The following CTCF variants were observed in gnomAD, a reference collection of about 807,000 sequenced individuals.
The protein encoded by CTCF is CCCTC-binding factor, also known as transcriptional repressor CTCF.
A neutral mutation model predicts 72.3 loss-of-function variants in CTCF; 7 were observed. That is an observed-to-expected ratio of 0.10 (90% confidence interval 0.06 to 0.18). The LOEUF is 0.18. Ranked by LOEUF, CTCF falls within the 10% of genes least tolerant of loss-of-function variation. The pLI is 1.00. For synonymous variants in CTCF, 374 were observed against 315.8 expected, an observed-to-expected ratio of 1.18 and a Z score of -1.95; for missense variants, 516 against 949.1, an observed-to-expected ratio of 0.54 and a Z score of 6.00.
intron 7 of CTCF, among the ~76,000 whole-genome samples, chr16:67,622,310 C>G (rs2052211455): frequency 6.6e-6 from 1 of 151,396 alleles, no homozygotes; most frequent in African/African-American, 2.4e-5. Flanking sequence ...GAGCAGAGAT[C>G]ACGCCACCGC....
intron 2 of CTCF, among the ~76,000 whole-genome samples, chr16:67,608,101 G>T (rs1378627873): frequency 6.6e-6 from 1 of 151,472 alleles, no homozygotes; most frequent in Non-Finnish European, 1.5e-5. Context: ...GAGGCAGGCG[G>T]ATCACGAGGT....
At position 67,639,030 on chromosome 16, in the gene CTCF, C is replaced by A; in HGVS notation, c.*1158C>A. ...TTAGCTATCAGACTCTAGGTTGATG[C>A]ATTTTGTACTTAGCTGTACTGTGTG... On this transcript the variant is annotated 3_prime_UTR_variant, in exon 12 of 12. Coordinates refer to ENST00000264010, the MANE Select transcript of CTCF (RefSeq NM_006565.4). 4.9e-6 allele frequency: 1 copy of A among 203,078 alleles called. No homozygotes were observed. Among genetic ancestry groups the A allele is most frequent in the Non-Finnish European group, 1.0e-5 (1 of 98,588 alleles). The allele number at this position is 203,078 out of a possible 1,614,324, so 12.6% of individuals were successfully genotyped here. A position where few individuals can be genotyped will look rare whatever the true frequency, so the allele number is the denominator to read the frequency against.
chr16:67,597,238 G>A (rs1394801753), intron 2 of CTCF, among the ~76,000 whole-genome samples: 1 of 151,880 alleles, frequency 6.6e-6, no homozygotes, highest in Admixed American at 6.6e-5. Flanking sequence ...GTATCTCCAT[G>A]TTTCCCAAGC....
At chr16:67,566,124 T>A (rs1039148009) in intron 1 of CTCF, among the ~76,000 whole-genome samples, 23 of 152,184 alleles carry the variant, frequency 1.5e-4, no homozygotes, top group African/African-American at 5.5e-4. Context: ...ATTAGGCCCC[T>A]CTTCAAACAA....
chr16:67,578,576 A>G (rs957776727), intron 2 of CTCF, among the ~76,000 whole-genome samples: 2 of 150,896 alleles, frequency 1.3e-5, no homozygotes, highest in Non-Finnish European at 3.0e-5. Context: ...CAAGTGTTCC[A>G]CCCACCTCGG....
At chr16:67,569,125 C>T (rs2051380266) in intron 1 of CTCF, among the ~76,000 whole-genome samples, 1 of 152,044 alleles carries the variant, frequency 6.6e-6, no homozygotes, top group African/African-American at 2.4e-5. Context: ...AGGCGTGAAC[C>T]ACTGTGCCTG....
At chr16:67,629,661 C>A in intron 10 of CTCF, 128 bp downstream of exon 10, 1 of 757,104 alleles carries the variant, frequency 1.3e-6, no homozygotes, top group Non-Finnish European at 1.9e-6. Flanking sequence ...AACTTCTCAT[C>A]TCCTAACGTC....
At chr16:67,602,938 G>A (rs964290553) in intron 2 of CTCF, among the ~76,000 whole-genome samples, 1 of 151,994 alleles carries the variant, frequency 6.6e-6, no homozygotes, top group Non-Finnish European at 1.5e-5. Flanking sequence ...GTCAAGGGTG[G>A]GACCTGAAGT....
chr16:67,637,191 CG>C (rs1342652616), intron 11 of CTCF, among the ~76,000 whole-genome samples: 1 of 152,136 alleles, frequency 6.6e-6, no homozygotes, highest in Non-Finnish European at 1.5e-5. Context: ...AGAGCCAAAT[CG>C]TAAAGGTTGG....
At chr16:67,620,434 A>C (rs1360834690) in intron 5 of CTCF, among the ~76,000 whole-genome samples, 1 of 152,190 alleles carries the variant, frequency 6.6e-6, no homozygotes, top group Admixed American at 6.5e-5. Flanking sequence ...TCCTGACCTC[A>C]GATGATCTGC....
At chr16:67,582,766 T>G (rs2051603192) in intron 2 of CTCF, among the ~76,000 whole-genome samples, 1 of 152,126 alleles carries the variant, frequency 6.6e-6, no homozygotes, top group South Asian at 2.1e-4. Flanking sequence ...GTGCATAGAC[T>G]TTGAGATTTT....
chr16:67,629,168 A>G (rs923834895), intron 9 of CTCF, among the ~76,000 whole-genome samples: 1 of 150,434 alleles, frequency 6.6e-6, no homozygotes, highest in African/African-American at 2.5e-5. Context: ...AGATCTTGAC[A>G]GAACTAAGAG....
At chr16:67,582,806 T>C (rs1204729850) in intron 2 of CTCF, among the ~76,000 whole-genome samples, 1 of 152,092 alleles carries the variant, frequency 6.6e-6, no homozygotes, top group East Asian at 1.9e-4. Context: ...TTGGTCCTGT[T>C]CTTGTTTTCT....
chr16:67,636,361 G>A (rs1206340402), intron 10 of CTCF, among the ~76,000 whole-genome samples: 3 of 148,632 alleles, frequency 2.0e-5, no homozygotes, highest in South Asian at 4.3e-4. Context: ...GACAGAGTGA[G>A]ACTCTGTCTC....
intron 2 of CTCF, among the ~76,000 whole-genome samples, chr16:67,577,496 GGT>G (rs1319685033): frequency 1.3e-5 from 2 of 150,910 alleles, no homozygotes; most frequent in African/African-American, 4.9e-5. Context: ...GGAGTGCAGT[GGT>G]GCGATATTGG....
chr16:67,637,177 T>C (rs1156639596), intron 11 of CTCF, among the ~76,000 whole-genome samples: 2 of 152,118 alleles, frequency 1.3e-5, no homozygotes, highest in Non-Finnish European at 2.9e-5. Context: ...GTAATGAATA[T>C]AAAAGAGCCA....
intron 1 of CTCF, chr16:67,563,963 C>T (rs186335421): frequency 3.3e-5 from 5 of 152,284 alleles, no homozygotes; most frequent in Admixed American, 2.0e-4. Context: ...GTAATTGAAT[C>T]CTGGGTCACT....
chr16:67,602,709 C>T (rs946389969), intron 2 of CTCF, among the ~76,000 whole-genome samples: 9 of 151,806 alleles, frequency 5.9e-5, no homozygotes, highest in South Asian at 2.1e-4. Context: ...GGTGTGGTGG[C>T]GCATGCCTGT....
At chr16:67,572,609 T>G (rs992442853) in intron 2 of CTCF, 59 of 152,058 alleles carry the variant, frequency 3.9e-4, no homozygotes, top group African/African-American at 1.4e-3. Context: ...GGTCAGTGAT[T>G]AAATATTAAA....
Sources: allele counts gnomAD v4.1 joint callset (sites outside exome capture counted in the v4.1 genomes callset), GRCh38; gene constraint gnomAD v4.1.1; transcripts MANE v1.5; gene names NCBI Gene and HGNC (gene_info 2026-07-23, HGNC 2026-07-21).